Variants in TNKS observed in about 807,000 individuals in gnomAD.
TNKS encodes poly [ADP-ribose] polymerase tankyrase-1.
TNKS carries 72 observed loss-of-function variants against 135.8 expected under a neutral mutation model. That is an observed-to-expected ratio of 0.53 (90% CI 0.44 to 0.64). The LOEUF (loss-of-function observed/expected upper bound fraction) is 0.64. Ranked by LOEUF, TNKS falls within the 30% of genes least tolerant of loss-of-function variation. TNKS has a pLI of 0.00. For synonymous variants in TNKS, 849 were observed against 649.3 expected, an observed-to-expected ratio of 1.31 and a Z score of -4.68; for missense variants, 1,769 against 1,674.0, an observed-to-expected ratio of 1.06 and a Z score of -0.99.
chr8:9,571,021 T>G (rs984303944), intron 1 of TNKS, among the ~76,000 whole-genome samples: 1 of 152,180 alleles, frequency 6.6e-6, no homozygotes, highest in African/African-American at 2.4e-5. Flanking sequence ...TAGATTTTGT[T>G]TTTTAAAAAT....
intron 5 of TNKS, among the ~76,000 whole-genome samples, chr8:9,691,392 C>T (rs1803260755): frequency 6.6e-6 from 1 of 152,208 alleles, no homozygotes. Context: ...TTAATGTCTA[C>T]TGACCTATGG....
At chr8:9,675,938 T>G (rs1348266574) in intron 3 of TNKS, among the ~76,000 whole-genome samples, 1 of 151,812 alleles carries the variant, frequency 6.6e-6, no homozygotes, top group Non-Finnish European at 1.5e-5. Context: ...TCCTCTACTT[T>G]TATATAATGC....
Position 9,763,142 on chromosome 8 carries a change from G to C in TNKS, c.3275-5G>C, listed in dbSNP as rs530248428. The C allele has an allele frequency of 2.6e-6, 4 of 1,546,440 alleles. No individual in the cohort carries two copies. The Admixed American group carries it at 7.1e-5, about 27-fold the overall frequency. ...GTTTTATATGTTAATTTTTCTCTCC[G>C]ACAGGCACCAATCCTTATTTGACTT... On this transcript the variant is annotated splice_region_variant and splice_polypyrimidine_tract_variant and intron_variant, in intron 21 of 26. Transcript: ENST00000310430.
At chr8:9,682,171 G>A (rs779292054) in intron 5 of TNKS, among the ~76,000 whole-genome samples, 12 of 152,102 alleles carry the variant, frequency 7.9e-5, no homozygotes, top group Non-Finnish European at 1.2e-4. Context: ...CTATCACTGT[G>A]TAGAAAAGGG....
intron 3 of TNKS, among the ~76,000 whole-genome samples, chr8:9,623,672 T>C (rs1799950408): frequency 6.6e-6 from 1 of 152,072 alleles, no homozygotes; most frequent in Non-Finnish European, 1.5e-5. Context: ...TGCAATAAAA[T>C]GAGGTATGTT....
At chr8:9,771,177 AGAAGAGAGGAAGGAAG>A (rs1391834781) in intron 26 of TNKS, among the ~76,000 whole-genome samples, 1 of 146,174 alleles carries the variant, frequency 6.8e-6, no homozygotes, top group African/African-American at 2.5e-5. Flanking sequence ...AAGGAGGGAG[AGAAGAGAGGAAGGAAG>A]GAAGTGAGGG....
In TNKS at chr8:9,777,306, C is replaced by G. The variant is rs1808274139; in HGVS notation, c.*570C>G. ...TTAGCAGTGCAACCCAAGCTTCTGG[C>G]TGAGCAAGATTCAGTTTCCACTTTT... On this transcript the variant is annotated 3_prime_UTR_variant, in exon 27 of 27. Coordinates refer to ENST00000310430, the MANE Select transcript of TNKS (RefSeq NM_003747.3). 6.5e-6 allele frequency: 1 copy of G among 152,896 alleles called. No individual in the cohort carries two copies. The highest frequency in any genetic ancestry group is 6.5e-5 in the Admixed American group (1 of 15,334). The allele number at this position is 152,896 out of a possible 1,614,324, so 9.5% of individuals were successfully genotyped here. A position where few individuals can be genotyped will look rare whatever the true frequency, so the allele number is the denominator to read the frequency against.
chr8:9,692,439 A>G (rs531178294), intron 5 of TNKS, among the ~76,000 whole-genome samples: 1 of 152,292 alleles, frequency 6.6e-6, no homozygotes, highest in Admixed American at 6.5e-5. Flanking sequence ...CCATTACAAA[A>G]ACCGTGAATT....
intron 2 of TNKS, among the ~76,000 whole-genome samples, chr8:9,606,845 C>A (rs1271196543): frequency 1.3e-5 from 2 of 152,062 alleles, no homozygotes; most frequent in East Asian, 3.8e-4. Flanking sequence ...CACCTTATTG[C>A]TGGTTTAAAA....
At chr8:9,662,726 C>T (rs1801780680) in intron 3 of TNKS, among the ~76,000 whole-genome samples, 1 of 151,946 alleles carries the variant, frequency 6.6e-6, no homozygotes, top group Non-Finnish European at 1.5e-5. Context: ...GCACATGTAC[C>T]CTAAAACCTA....
At position 9,623,950 on chromosome 8, in the gene TNKS, C is replaced by T. The variant is rs183615835; in HGVS notation, c.994+8273C>T. ...CCGGGAGGCAGAAGTTGCAGTGAAC[C>T]GAGATCATGCCACTGTACTCCAGTC... On this transcript the variant is annotated intron_variant, in intron 3 of 26. Transcript: ENST00000310430. Among the ~76,000 whole-genome samples, 4 of 151,942 alleles carry T rather than the reference C, an allele frequency of 2.6e-5. No individual in the cohort carries two copies. The South Asian group carries it at 6.2e-4, about 24-fold the overall frequency.
intron 18 of TNKS, among the ~76,000 whole-genome samples, chr8:9,749,524 G>A (rs771373157): frequency 6.7e-6 from 1 of 149,584 alleles, no homozygotes; most frequent in African/African-American, 2.5e-5. Context: ...ACCCAAGCCA[G>A]AGTGCAGTGG....
intron 5 of TNKS, among the ~76,000 whole-genome samples, chr8:9,695,801 T>G (rs1803485811): frequency 6.6e-6 from 1 of 152,138 alleles, no homozygotes; most frequent in African/African-American, 2.4e-5. Context: ...AGAGAAATAG[T>G]CTGATGGGTT....
chr8:9,589,015 A>G (rs1036203784), intron 2 of TNKS, among the ~76,000 whole-genome samples: 2 of 152,224 alleles, frequency 1.3e-5, no homozygotes, highest in Non-Finnish European at 2.9e-5. Flanking sequence ...ATAATTGAAT[A>G]TATGACAAAC....
chr8:9,775,081 T>C (rs190614544), intron 26 of TNKS, among the ~76,000 whole-genome samples: 20 of 152,290 alleles, frequency 1.3e-4, no homozygotes, highest in East Asian at 3.9e-4. Flanking sequence ...TAGTGATAAA[T>C]AGTTTTCTTG....
intron 3 of TNKS, among the ~76,000 whole-genome samples, chr8:9,657,656 C>A (rs1342168909): frequency 1.2e-5 from 1 of 82,166 alleles, no homozygotes; most frequent in Non-Finnish European, 2.6e-5. Context: ...GGGGGGCTGA[C>A]CCCCCCATCT....
At chr8:9,741,573 T>C in intron 17 of TNKS, 1 of 308,468 alleles carries the variant, frequency 3.2e-6, no homozygotes, top group East Asian at 6.7e-5. Flanking sequence ...ACTGCATTAG[T>C]CTTCACCTTG....
In TNKS at chr8:9,770,086, G is replaced by GT. The variant is rs780340221; in HGVS notation, c.3741-13dup. 20 of 1,580,426 alleles carry GT rather than the reference G, an allele frequency of 1.3e-5. No homozygotes were observed. The highest frequency in any genetic ancestry group is 9.5e-5 in the African/African-American group (7 of 74,004). ...GATTTAAAGCTTCCTTCAAAGCATT[G>GT]TTTTTTTCTTTTTCCTTAGACAAAT... On this transcript the variant is annotated intron_variant, in intron 25 of 26. Transcript: ENST00000310430.
chr8:9,718,087 T>C (rs1432198835), intron 11 of TNKS, among the ~76,000 whole-genome samples: 5 of 152,144 alleles, frequency 3.3e-5, no homozygotes, highest in Non-Finnish European at 7.4e-5. Context: ...GTATTGTCAA[T>C]TGGAGAGTTT....
Sources: allele counts gnomAD v4.1 joint callset (sites outside exome capture counted in the v4.1 genomes callset), GRCh38; gene constraint gnomAD v4.1.1; transcripts MANE v1.5; gene names NCBI Gene and HGNC (gene_info 2026-07-23, HGNC 2026-07-21).